The following PIEZO2 variants were observed in gnomAD, a reference collection of about 807,000 sequenced individuals.
PIEZO2 encodes piezo-type mechanosensitive ion channel component 2.
In PIEZO2, 172 loss-of-function variants were observed where a neutral mutation model predicts 337.3. The observed-to-expected ratio is 0.51, with a 90% CI of 0.45 to 0.58. The LOEUF (loss-of-function observed/expected upper bound fraction) is 0.58, where lower values mean the gene tolerates loss of function less well. PIEZO2 is among the 20% of genes least tolerant of loss of function. The pLI is 0.00. For synonymous variants in PIEZO2, 1,251 were observed against 1,228.5 expected (o/e 1.02, Z -0.38); for missense variants, 3,028 against 3,391.3 (o/e 0.89, Z 2.66).
chr18:10,886,404 A>G (rs867955516), intron 4 of PIEZO2, among the ~76,000 whole-genome samples: 1 of 52,320 alleles, frequency 1.9e-5, no homozygotes, highest in African/African-American at 1.3e-4. Context: ...ATATATATAT[A>G]TATATATATA....
intron 2 of PIEZO2, among the ~76,000 whole-genome samples, chr18:11,024,168 C>T (rs1024153046): frequency 1.3e-5 from 2 of 152,184 alleles, no homozygotes; most frequent in Non-Finnish European, 2.9e-5. Context: ...GCACCGAAAG[C>T]GAGCGAGGGT....
rs1414206819 is a variant in PIEZO2 at position 10,900,202 on chromosome 18, CACACACACAA to C, written c.329+10974_329+10983del. Among the ~76,000 whole-genome samples, 44 of 151,902 alleles carry C rather than the reference CACACACACAA, an allele frequency of 2.9e-4. No homozygotes were observed. In the East Asian group the frequency reaches 8.3e-3, roughly 29 times the overall value. On this transcript the variant is annotated intron_variant, in intron 4 of 55. Transcript: ENST00000674853. Reference sequence around the variant, plus strand: ...TTACACACACACACACACACACACACACACACACAAACACCTAAATCCACACATACACATG... The same window carrying C: ...TTACACACACACACACACACACACACACACCTAAATCCACACATACACATG...
At position 11,104,901 on chromosome 18, in the gene PIEZO2, G is replaced by T. The variant is rs1308011654; in HGVS notation, c.65-38679C>A. ...GATGTGACTGGGTCTGGCTAATGAG[G>T]CCCCCTCCCCAGGTACAATGTTTGG... On this transcript the variant is annotated intron_variant, in intron 1 of 55. Transcript: ENST00000674853. The surrounding 1 kb of genome is among the most constrained non-coding windows in gnomAD (Gnocchi z 4.6). Among the ~76,000 whole-genome samples, 2 of 152,018 alleles carry T rather than the reference G, an allele frequency of 1.3e-5. No homozygotes were observed. The highest frequency in any genetic ancestry group is 2.9e-5 in the Non-Finnish European group (2 of 68,024).
intron 9 of PIEZO2, among the ~76,000 whole-genome samples, chr18:10,803,473 G>C (rs1186149768): frequency 6.6e-6 from 1 of 152,096 alleles, no homozygotes; most frequent in African/African-American, 2.4e-5. Context: ...TCAAGTAATT[G>C]TCTGCCAAAT....
At chr18:10,892,967 C>A (rs1301172935) in intron 4 of PIEZO2, among the ~76,000 whole-genome samples, 1 of 152,202 alleles carries the variant, frequency 6.6e-6, no homozygotes, top group Admixed American at 6.5e-5. Flanking sequence ...TCCTTGAGCC[C>A]TTTTCTGCAG....
intron 2 of PIEZO2, among the ~76,000 whole-genome samples, chr18:11,059,939 A>G (rs957304894): frequency 6.6e-6 from 1 of 152,200 alleles, no homozygotes; most frequent in African/African-American, 2.4e-5. Flanking sequence ...TCCACCCCAA[A>G]TCAACAGAAT....
chr18:10,703,272 C>T (rs937187421), intron 42 of PIEZO2, among the ~76,000 whole-genome samples: 2 of 152,144 alleles, frequency 1.3e-5, no homozygotes, highest in Non-Finnish European at 2.9e-5. Flanking sequence ...TAGACTGGCA[C>T]CCATTCCCTA....
In PIEZO2 at chr18:10,761,108, T is replaced by A. The variant is rs746114112; in HGVS notation, c.3253A>T (p.Asn1085Tyr). The A allele has an allele frequency of 6.5e-7, 1 of 1,537,012 alleles. No individual in the cohort carries two copies. Among genetic ancestry groups the A allele is most frequent in the Non-Finnish European group, 8.7e-7 (1 of 1,146,694 alleles). ...SSPLLVYLRN[N>Y]LLMLAILAFE... ...GCCAGGATAGCCAGCATCAGGAGGT[T>A]ATTCTACAAAGCAAGGAAACACAAA... is the stretch of plus-strand genomic sequence containing the variant. The change falls in exon 24 of 56, where the codon AAC becomes TAC. Residue 1085 changes from asparagine to tyrosine, a missense_variant. Physicochemically the swap from Asn to Tyr is moderately radical, Grantham distance 143. This residue lies in a region of PIEZO2 where 1,925 missense variants were observed against 2,051.9 expected (regional missense o/e 0.94). Coordinates refer to ENST00000674853, the MANE Select transcript of PIEZO2 (RefSeq NM_001378183.1).
At chr18:10,926,922 A>G (rs908281865) in intron 3 of PIEZO2, among the ~76,000 whole-genome samples, 1 of 152,230 alleles carries the variant, frequency 6.6e-6, no homozygotes, top group Non-Finnish European at 1.5e-5. Flanking sequence ...TGTCCAAGTA[A>G]CTATGCAGTC....
intron 2 of PIEZO2, among the ~76,000 whole-genome samples, chr18:11,044,083 A>G (rs1691506824): frequency 1.3e-5 from 2 of 151,926 alleles, no homozygotes; most frequent in Non-Finnish European, 1.5e-5. Context: ...TTAATAAAGT[A>G]GGATACTTTA....
At chr18:11,120,878 AT>A (rs1001871289) in intron 1 of PIEZO2, among the ~76,000 whole-genome samples, 1 of 152,112 alleles carries the variant, frequency 6.6e-6, no homozygotes, top group African/African-American at 2.4e-5. Flanking sequence ...TTTACTTGCA[AT>A]TTTTTTTAAG....
rs74653920 is a variant in PIEZO2, at chr18:11,038,687, A to T, written c.160+27440T>A. ...TACTGGCCCTACCACTTGCTTAATA[A>T]GTGTTCTTGGGTAAATTATGTATCT... is the stretch of plus-strand genomic sequence containing the variant. On this transcript the variant is annotated intron_variant, in intron 2 of 55. Transcript: ENST00000674853. The surrounding 1 kb of genome is among the most constrained non-coding windows in gnomAD (Gnocchi z 4.1). 1.2e-3 allele frequency among the ~76,000 whole-genome samples: 187 copies of T among 152,300 alleles called. No homozygotes were observed. The highest frequency in any genetic ancestry group is 4.3e-3 in the African/African-American group (179 of 41,562).
In PIEZO2 at chr18:10,795,440, A is replaced by G. The variant is rs2039563993; in HGVS notation, c.1528-438T>C. On this transcript the variant is annotated intron_variant, in intron 12 of 55. Transcript: ENST00000674853. This position sits in a 1 kb window ranked among gnomAD's most constrained non-coding sequence, Gnocchi z 4.4. Reference sequence around the variant, plus strand: ...CTCTATTGCTTTAAAGAAAAGACCAAACTTATCTGGCTTAGAGAGAAAAAA... The same window carrying G: ...CTCTATTGCTTTAAAGAAAAGACCAGACTTATCTGGCTTAGAGAGAAAAAA... Among the ~76,000 whole-genome samples the G allele has an allele frequency of 1.3e-5, 2 of 150,728 alleles. No individual in the cohort carries two copies. The highest frequency in any genetic ancestry group is 2.9e-5 in the Non-Finnish European group (2 of 67,808).
In PIEZO2 at chr18:10,672,684, C is replaced by A; in HGVS notation, c.8345+6G>T. ...TGTAACTGTGAATTGTTCAATGAGT[C>A]CTTACCCATAGCCAGCCAGGAACCC... On this transcript the variant is annotated splice_donor_region_variant and intron_variant, in intron 55 of 55. Transcript: ENST00000674853. The surrounding 1 kb of genome is among the most constrained non-coding windows in gnomAD (Gnocchi z 4.7). The A allele has an allele frequency of 6.2e-7, 1 of 1,613,390 alleles. No homozygotes were observed. The highest frequency in any genetic ancestry group is 8.5e-7 in the Non-Finnish European group (1 of 1,179,738).
intron 36 of PIEZO2, among the ~76,000 whole-genome samples, chr18:10,723,454 A>G (rs1164345752): frequency 1.3e-5 from 2 of 152,158 alleles, no homozygotes; most frequent in African/African-American, 4.8e-5. Context: ...TATGTGCTGC[A>G]ATAGGAGCAG....
intron 30 of PIEZO2, among the ~76,000 whole-genome samples, chr18:10,747,457 T>C (rs1272436111): frequency 6.6e-6 from 1 of 152,196 alleles, no homozygotes; most frequent in Non-Finnish European, 1.5e-5. Context: ...TACAAGTAAG[T>C]AAGGTTACTA....
intron 5 of PIEZO2, among the ~76,000 whole-genome samples, chr18:10,858,321 CAAAAAA>C (rs11361243): frequency 4.3e-4 from 24 of 56,362 alleles, no homozygotes; most frequent in African/African-American, 1.3e-3. Flanking sequence ...GACTTCAACC[CAAAAAA>C]AAAAAAAAAA....
intron 2 of PIEZO2, among the ~76,000 whole-genome samples, chr18:11,030,337 A>C (rs912832607): frequency 6.6e-6 from 1 of 152,236 alleles, no homozygotes; most frequent in Non-Finnish European, 1.5e-5. Context: ...TCTGATAATC[A>C]AGAAAAGAGA....
At chr18:10,839,806 A>C (rs2041135952) in intron 7 of PIEZO2, among the ~76,000 whole-genome samples, 1 of 152,220 alleles carries the variant, frequency 6.6e-6, no homozygotes, top group African/African-American at 2.4e-5. Flanking sequence ...CTAAGCAAAA[A>C]GACTGGATAA....
Sources: gnomAD v4.1 joint callset for allele counts (sites outside exome capture counted in the v4.1 genomes callset) on GRCh38, gnomAD v4.1.1 for gene constraint, gnomAD v4.1.1 regional missense constraint, Gnocchi (gnomAD v3.1) non-coding constraint, MANE v1.5 for transcripts, NCBI Gene and HGNC (gene_info 2026-07-23, HGNC 2026-07-21) for gene names.